Variants in CAPS2 observed in about 807,000 individuals in gnomAD.
CAPS2 encodes calcyphosin-2.
CAPS2 carries 98 observed loss-of-function variants against 86.5 expected under a neutral mutation model. The observed-to-expected ratio is 1.13, with a 90% CI of 0.96 to 1.34. The LOEUF is 1.34. Among genes scored for constraint, CAPS2 ranks in the 40% most tolerant of loss-of-function variants. The pLI, the probability that CAPS2 is intolerant of heterozygous loss-of-function variation, is 0.00. For synonymous variants in CAPS2, 210 were observed against 225.1 expected (o/e 0.93, Z 0.60); for missense variants, 729 against 686.8 (o/e 1.06, Z -0.69).
intron 1 of CAPS2, among the ~76,000 whole-genome samples, chr12:75,388,272 C>A (rs760807627): frequency 8.5e-5 from 13 of 152,188 alleles, no homozygotes; most frequent in Non-Finnish European, 1.9e-4. Context: ...GGGCTCCCAG[C>A]CATGTGGAAC....
intron 1 of CAPS2, among the ~76,000 whole-genome samples, chr12:75,385,989 T>G (rs2045271349): frequency 6.6e-6 from 1 of 152,170 alleles, no homozygotes; most frequent in East Asian, 1.9e-4. Flanking sequence ...ATAAATAGAA[T>G]GAAGAAGGAA....
intron 1 of CAPS2, among the ~76,000 whole-genome samples, chr12:75,353,864 T>C (rs1273703000): frequency 6.6e-6 from 1 of 152,078 alleles, no homozygotes; most frequent in Non-Finnish European, 1.5e-5. Flanking sequence ...TGTAATTCAT[T>C]ATATCATCAG....
intron 4 of CAPS2, 37 bp from the exon 5 acceptor site, chr12:75,321,613 A>C: frequency 2.1e-6 from 3 of 1,434,782 alleles, no homozygotes; most frequent in Non-Finnish European, 2.9e-6. Context: ...TATCAGAAAA[A>C]AAAAGTATTA....
At position 75,370,107 on chromosome 12, in the gene CAPS2, G is replaced by A. The variant is rs148073028; in HGVS notation, c.-395+20731C>T. ...CAGAAAATCCATTTCTGAAGCCAACGGGGAGAGCACCTCAGCAGACAGCCT... is the reference window on the plus strand; with the variant it reads ...CAGAAAATCCATTTCTGAAGCCAACAGGGAGAGCACCTCAGCAGACAGCCT... On this transcript the variant is annotated intron_variant, in intron 1 of 5. Transcript: ENST00000551829. The A allele has an allele frequency of 3.9e-5, 63 of 1,605,920 alleles. No individual in the cohort carries two copies. The Admixed American group carries it at 8.2e-4, about 21-fold the overall frequency.
intron 12 of CAPS2, among the ~76,000 whole-genome samples, chr12:75,292,224 G>A (rs1227814719): frequency 6.6e-6 from 1 of 151,700 alleles, no homozygotes; most frequent in Non-Finnish European, 1.5e-5. Context: ...CTGCCACCAC[G>A]CCCAGCTAAT....
At chr12:75,277,210 C>T (rs1593144991), downstream of CAPS2, 1 of 843,464 alleles carries the variant, frequency 1.2e-6, no homozygotes, top group Non-Finnish European at 1.4e-6. Flanking sequence ...AGTAGCTTCC[C>T]TTTTTTTTTT....
rs576805704 is a variant in CAPS2 at position 75,374,804 on chromosome 12, T to A, written c.-395+16034A>T. On this transcript the variant is annotated intron_variant, in intron 1 of 5. Transcript: ENST00000551829. ...AAGAAAAAGGCATTTGCCAAATTAA[T>A]GTCTGCATACCAGGTACCAGGATAT... Among the ~76,000 whole-genome samples, 3 of 152,348 alleles carry A rather than the reference T, an allele frequency of 2.0e-5. No homozygotes were observed. In the East Asian group the frequency reaches 5.8e-4, roughly 29 times the overall value.
chr12:75,366,974 T>C (rs1293416482), intron 1 of CAPS2: 4 of 701,776 alleles, frequency 5.7e-6, no homozygotes, highest in Non-Finnish European at 1.0e-5. Context: ...AGCTTGCAGC[T>C]TGCAGTAACA....
chr12:75,305,259 C>T, intron 7 of CAPS2, among the ~76,000 whole-genome samples: 1 of 152,232 alleles, frequency 6.6e-6, no homozygotes, highest in East Asian at 1.9e-4. Flanking sequence ...AATGAACAAA[C>T]ATAGAAGAGA....
At chr12:75,385,522 C>T (rs1320309213) in intron 1 of CAPS2, among the ~76,000 whole-genome samples, 2 of 152,064 alleles carry the variant, frequency 1.3e-5, no homozygotes, top group Admixed American at 1.3e-4. Flanking sequence ...TGATGAGAAA[C>T]AGGAAGCTTT....
intron 1 of CAPS2, chr12:75,369,966 C>T (rs1472741362): frequency 1.8e-6 from 2 of 1,090,960 alleles, no homozygotes; most frequent in African/African-American, 3.2e-5. Context: ...TTAGGGACTC[C>T]ACAACTTATT....
intron 6 of CAPS2, 69 bp from the exon 7 acceptor site, chr12:75,312,984 T>C: frequency 1.2e-6 from 1 of 834,404 alleles, no homozygotes; most frequent in South Asian, 1.5e-5. Context: ...AACACAAAAG[T>C]TCTAAAACAT....
At chr12:75,326,344 A>C in intron 1 of CAPS2, 74 bp downstream of exon 2, 1 of 602,240 alleles carries the variant, frequency 1.7e-6, no homozygotes, top group Admixed American at 2.9e-5. Flanking sequence ...AAGTAGTCAT[A>C]AAACATGAAG....
intron 1 of CAPS2, among the ~76,000 whole-genome samples, chr12:75,337,543 C>G (rs1014994195): frequency 2.0e-5 from 3 of 151,784 alleles, no homozygotes; most frequent in Non-Finnish European, 4.4e-5. Flanking sequence ...AAAATTGACA[C>G]AATATTTTGA....
chr12:75,389,857 T>C (rs965624348), intron 1 of CAPS2, among the ~76,000 whole-genome samples: 1 of 152,214 alleles, frequency 6.6e-6, no homozygotes, highest in Non-Finnish European at 1.5e-5. Context: ...TGTAAGCTGC[T>C]TGAAAGCTGG....
chr12:75,316,263 C>T, intron 6 of CAPS2, 49 bp downstream of exon 6: 1 of 1,540,632 alleles, frequency 6.5e-7, no homozygotes, highest in Non-Finnish European at 8.8e-7. Flanking sequence ...TCTTAGAAAG[C>T]AAATAAGATT....
intron 1 of CAPS2, among the ~76,000 whole-genome samples, chr12:75,356,017 C>T (rs1014940911): frequency 6.6e-6 from 1 of 152,060 alleles, no homozygotes; most frequent in African/African-American, 2.4e-5. Flanking sequence ...GCAAAAATAG[C>T]TAACGCATGC....
intron 1 of CAPS2, among the ~76,000 whole-genome samples, chr12:75,342,126 G>A (rs561764926): frequency 1.9e-3 from 295 of 152,264 alleles, no homozygotes; most frequent in Non-Finnish European, 3.0e-3. Flanking sequence ...AAGATAGTGT[G>A]GGTAGTGAGT....
At chr12:75,313,320 T>C (rs930625184) in intron 6 of CAPS2, among the ~76,000 whole-genome samples, 2 of 152,272 alleles carry the variant, frequency 1.3e-5, no homozygotes, top group African/African-American at 4.8e-5. Flanking sequence ...ATAAGCTTCG[T>C]CTAACACTAT....
Sources: allele counts gnomAD v4.1 joint callset (sites outside exome capture counted in the v4.1 genomes callset), GRCh38; gene constraint gnomAD v4.1.1; transcripts MANE v1.5; gene names NCBI Gene and HGNC (gene_info 2026-07-23, HGNC 2026-07-21).